TLE6: variants seen among roughly 807,000 people sequenced by gnomAD.
TLE6 encodes transducin-like enhancer protein 6.
A neutral mutation model predicts 77.1 loss-of-function variants in TLE6; 72 were observed. The ratio of observed to expected loss-of-function variants is 0.93; its 90% CI spans 0.77 to 1.14. The LOEUF is 1.14. TLE6 is among the 50% of genes most tolerant of loss of function. TLE6 has a pLI of 0.00. For missense variants in TLE6, 843 were observed against 747.6 expected, an observed-to-expected ratio of 1.13 and a Z score of -1.49; for synonymous variants, 366 against 287.3, an observed-to-expected ratio of 1.27 and a Z score of -2.77.
In TLE6 at chr19:2,989,549, C is replaced by A; in HGVS notation, c.1008C>A (p.Phe336Leu). The change falls in exon 13 of 17, where the codon TTC becomes TTA. Residue 336 changes from phenylalanine (F) to leucine (L), a missense_variant. Physicochemically the swap from Phe to Leu is conservative, Grantham distance 22. Coordinates refer to ENST00000246112, the MANE Select transcript of TLE6 (RefSeq NM_001143986.2). ...SHLPIQTPGA[F>L]LRTCLLSSNS... is the part of the protein sequence containing the mutation. ...GCCCATCCCAGACCCCTGGGGCCTT[C>A]CTGCGCACCTGCCTGCTGTCCTCAA... 6.2e-7 allele frequency: 1 copy of A among 1,612,386 alleles called. No homozygotes were observed. The highest frequency in any genetic ancestry group is 8.5e-7 in the Non-Finnish European group (1 of 1,179,742).
In TLE6 at chr19:2,987,096, G is replaced by C. The variant is rs1417852179; in HGVS notation, c.399G>C (p.Arg133=). Residue 133 remains arginine, a synonymous_variant, in exon 7 of 17, where the codon CGG becomes CGC. Transcript: ENST00000246112. ...IMATRSSDWL[R]RPLGEDNQPE... is the part of the protein sequence containing the mutation. The stretch of plus-strand genomic sequence containing the variant: ...CCACCAGGTCCTCCGACTGGCTCCG[G>C]CGGCCTTTGGGGGAGGACAATCAGC... 6.2e-7 allele frequency: 1 copy of C among 1,614,164 alleles called. No homozygotes were observed. The highest frequency in any genetic ancestry group is 8.5e-7 in the Non-Finnish European group (1 of 1,180,026).
In TLE6 at chr19:2,989,633, G is replaced by T. The variant is rs551299517; in HGVS notation, c.1092G>T (p.Leu364=). 1 of 1,614,192 alleles carries T rather than the reference G, an allele frequency of 6.2e-7. No homozygotes were observed. Among genetic ancestry groups the T allele is most frequent in the African/African-American group, 1.3e-5 (1 of 75,062 alleles). The change falls in exon 13 of 17, where the codon CTG becomes CTT. Residue 364 remains leucine (L), a synonymous_variant. Coordinates refer to ENST00000246112, the MANE Select transcript of TLE6 (RefSeq NM_001143986.2). The part of the protein sequence containing the change: ...YNLASVSVWD[L]AAPSLHVKEQ... ...TGGCCAGCGTGAGCGTGTGGGACCT[G>T]GCGGCGCCCTCCCTGCATGTGAAGG...
At chr19:2,981,653 G>T in intron 4 of TLE6, 70 bp downstream of exon 4, 1 of 1,499,074 alleles carries the variant, frequency 6.7e-7, no homozygotes, top group Non-Finnish European at 9.1e-7. Flanking sequence ...TGGTTTCCCG[G>T]CCCTGCCTCC....
At chr19:2,990,040 C>T (rs891190987) in intron 13 of TLE6, among the ~76,000 whole-genome samples, 3 of 152,124 alleles carry the variant, frequency 2.0e-5, no homozygotes, top group Admixed American at 6.6e-5. Flanking sequence ...AGTTTCCCCA[C>T]CTGGACACAG....
At position 2,994,950 on chromosome 19, in the gene TLE6, C is replaced by T. The variant is rs533756795; in HGVS notation, c.1665C>T (p.Arg555=). The T allele has an allele frequency of 1.2e-5, 19 of 1,609,606 alleles. No individual in the cohort carries two copies. In the East Asian group the frequency reaches 4.0e-4, roughly 34 times the overall value. ...GCTGTGACGTCTCTTCCAACAACCG[C>T]CTCGTTGTCACAGGCTCCGGGGAGC... ...VTCCDVSSNN[R]LVVTGSGEHA... is the part of the protein sequence containing the mutation. Residue 555 remains arginine (R), a synonymous_variant, in exon 17 of 17, where the codon CGC becomes CGT. Transcript: ENST00000246112.
At chr19:2,992,365 G>A (rs773052761) in intron 14 of TLE6, among the ~76,000 whole-genome samples, 5 of 152,206 alleles carry the variant, frequency 3.3e-5, no homozygotes, top group East Asian at 3.9e-4. Flanking sequence ...CCAGCTAGTC[G>A]GGAGGCTGAG....
At chr19:2,986,573 G>T (rs2088915363) in intron 5 of TLE6, among the ~76,000 whole-genome samples, 1 of 151,882 alleles carries the variant, frequency 6.6e-6, no homozygotes, top group Non-Finnish European at 1.5e-5. Context: ...AATTAGCTGG[G>T]TGTGGTGGTG....
intron 16 of TLE6, among the ~76,000 whole-genome samples, chr19:2,994,663 G>C (rs1033216813): frequency 6.6e-6 from 1 of 152,082 alleles, no homozygotes; most frequent in Non-Finnish European, 1.5e-5. Flanking sequence ...AATTAGCTGA[G>C]TGTGGTGGTG....
intron 3 of TLE6, 121 bp from the exon 4 acceptor site, chr19:2,981,417 C>T (rs1228868525): frequency 4.9e-6 from 5 of 1,027,368 alleles, no homozygotes; most frequent in East Asian, 2.7e-5. Context: ...TTAAATTTGG[C>T]TTCTGGAGCC....
intron 2 of TLE6, 104 bp downstream of exon 2, chr19:2,978,388 G>A (rs184007025): frequency 1.4e-5 from 16 of 1,169,636 alleles, no homozygotes; most frequent in African/African-American, 6.1e-5. Flanking sequence ...CCCAGGCCTC[G>A]CAGCTGAAGA....
In TLE6 at chr19:2,979,980, A is replaced by AAG; in HGVS notation, c.52-120_52-119insAG. ...CTCGGTTTCCAAAAAAAAAAAAAAA[A>AAG]GCAAAAACCACAATTACTTTTGCAC... On this transcript the variant is annotated intron_variant, in intron 2 of 16. Transcript: ENST00000246112. 5.8e-6 allele frequency: 4 copies of AAG among 693,616 alleles called. No homozygotes were observed. The South Asian group carries it at 7.3e-5, about 13-fold the overall frequency. The allele number at this position is 693,616 out of a possible 1,614,324, so 43.0% of individuals were successfully genotyped here. A position where few individuals can be genotyped will look rare whatever the true frequency, so the allele number is the denominator to read the frequency against.
Position 2,979,933 on chromosome 19 carries a change from C to T in TLE6, c.52-167C>T, listed in dbSNP as rs1471436112. Among the ~76,000 whole-genome samples the T allele has an allele frequency of 2.7e-5, 4 of 146,992 alleles. No homozygotes were observed. In the Admixed American group the frequency reaches 2.7e-4, roughly 10 times the overall value. ...GAGCTGAGATTGTGCCACTGCACTC[C>T]AGCCTGGGCGACAGAGCAAGACTCG... is the stretch of plus-strand genomic sequence containing the variant. On this transcript the variant is annotated intron_variant, in intron 2 of 16. Coordinates refer to ENST00000246112, the MANE Select transcript of TLE6 (RefSeq NM_001143986.2).
At chr19:2,978,490 C>G (rs1380864229) in intron 2 of TLE6, among the ~76,000 whole-genome samples, 1 of 152,140 alleles carries the variant, frequency 6.6e-6, no homozygotes. Flanking sequence ...TGGCTCACAA[C>G]TGTAATCTCA....
rs1220777147 is a variant in TLE6 at position 2,994,086 on chromosome 19, A to G, written c.1605A>G (p.Lys535=). ...LGVYSMPAGT[K]VFEVPEMSPV... ...TCTACAGCATGCCGGCGGGGACAAA[A>G]GTGTTCGAGGTACTGCGGTGGGCTG... Residue 535 remains lysine (K), a synonymous_variant, in exon 16 of 17, where the codon AAA becomes AAG. Coordinates refer to ENST00000246112, the MANE Select transcript of TLE6 (RefSeq NM_001143986.2). The G allele has an allele frequency of 2.5e-6, 4 of 1,598,654 alleles. No individual in the cohort carries two copies. The highest frequency in any genetic ancestry group is 2.6e-6 in the Non-Finnish European group (3 of 1,174,634).
At chr19:2,990,499 G>A (rs10409231) in intron 13 of TLE6, among the ~76,000 whole-genome samples, 39,827 of 150,180 alleles carry the variant, frequency 0.27, 6,782 homozygotes, top group African/African-American at 0.49. Context: ...AGCTACTCGG[G>A]AGGCTGAGGC....
Position 2,987,061 on chromosome 19 carries a change from G to A in TLE6, c.364G>A (p.Asp122Asn). 1.9e-6 allele frequency: 3 copies of A among 1,614,162 alleles called. No individual in the cohort carries two copies. The highest frequency in any genetic ancestry group is 1.6e-4 in the Middle Eastern group (1 of 6,062). Residue 122 changes from aspartate (D) to asparagine (N), a missense_variant, in exon 7 of 17, where the codon GAC becomes AAC. Asp to Asn is a conservative substitution (Grantham distance 23, BLOSUM62 1). Coordinates refer to ENST00000246112, the MANE Select transcript of TLE6 (RefSeq NM_001143986.2). ...GACCCTGCAGGAGTCGAGCTTTGAG[G>A]ACATCATGGCCACCAGGTCCTCCGA... Reference protein sequence around the residue: ...DKTLQESSFEDIMATRSSDWL... With the variant: ...DKTLQESSFENIMATRSSDWL...
intron 4 of TLE6, 22 bp from the exon 5 acceptor site, chr19:2,982,126 G>T (rs1568209380): frequency 6.4e-7 from 1 of 1,551,534 alleles, no homozygotes; most frequent in Non-Finnish European, 8.7e-7. Context: ...CTCCCGATGG[G>T]ATCTCTGTTT....
Position 2,991,395 on chromosome 19 carries a change from T to TACACACAC in TLE6, c.1245-424_1245-417dup, listed in dbSNP as rs373594184. 5.7e-3 allele frequency among the ~76,000 whole-genome samples: 654 copies of TACACACAC among 114,094 alleles called. 3 individuals carry two copies. The highest frequency in any genetic ancestry group is 0.014 in the Middle Eastern group (3 of 216). The allele number at this position is 114,094 out of a possible 152,430, so 74.9% of individuals were successfully genotyped here. A position where few individuals can be genotyped will look rare whatever the true frequency, so the allele number is the denominator to read the frequency against. The stretch of plus-strand genomic sequence containing the variant: ...AAATACGTATATATATATATATATA[T>TACACACAC]ACACACACACACACACACACACACA... On this transcript the variant is annotated intron_variant, in intron 13 of 16. Transcript: ENST00000246112.
intron 13 of TLE6, among the ~76,000 whole-genome samples, 177 bp downstream of exon 13, chr19:2,989,962 G>T (rs1176300358): frequency 6.6e-6 from 1 of 152,098 alleles, no homozygotes; most frequent in African/African-American, 2.4e-5. Flanking sequence ...AAGTTTAGAG[G>T]TGCGGACTTG....
Sources: allele counts gnomAD v4.1 joint callset (sites outside exome capture counted in the v4.1 genomes callset), GRCh38; gene constraint gnomAD v4.1.1; transcripts MANE v1.5; gene names NCBI Gene and HGNC (gene_info 2026-07-23, HGNC 2026-07-21).